Variants in ZFAND3 observed in about 807,000 individuals in gnomAD.
The protein encoded by ZFAND3 is zinc finger AN1-type containing 3.
Under a neutral mutation model 29.6 loss-of-function variants are expected in ZFAND3, and 10 were observed. The ratio of observed to expected loss-of-function variants is 0.34; its 90% CI spans 0.21 to 0.57. The LOEUF (loss-of-function observed/expected upper bound fraction) is 0.57. Ranked by LOEUF, ZFAND3 falls within the 20% of genes least tolerant of loss-of-function variation. ZFAND3 has a pLI of 0.86. For missense variants in ZFAND3, 230 were observed against 304.5 expected (o/e 0.76, Z 1.82); for synonymous variants, 128 against 112.6 (o/e 1.14, Z -0.87).
intron 2 of ZFAND3, among the ~76,000 whole-genome samples, chr6:38,018,184 C>G (rs1763284613): frequency 6.6e-6 from 1 of 152,162 alleles, no homozygotes; most frequent in Non-Finnish European, 1.5e-5. Flanking sequence ...TTAGCCTCAT[C>G]ATCCATAATC....
At chr6:37,897,859 G>T (rs1299005876) in intron 1 of ZFAND3, among the ~76,000 whole-genome samples, 2 of 152,126 alleles carry the variant, frequency 1.3e-5, no homozygotes, top group Non-Finnish European at 2.9e-5. Context: ...GAAAAGAATA[G>T]CAAAAACACA....
intron 2 of ZFAND3, among the ~76,000 whole-genome samples, chr6:37,931,585 G>C (rs909919762): frequency 6.7e-6 from 1 of 150,196 alleles, no homozygotes; most frequent in Admixed American, 6.6e-5. Flanking sequence ...ACAAAAAAAA[G>C]AAATGTTAGT....
intron 1 of ZFAND3, among the ~76,000 whole-genome samples, chr6:37,921,898 A>AAG (rs59006032): frequency 6.7e-6 from 1 of 149,700 alleles, no homozygotes; most frequent in Non-Finnish European, 1.5e-5. Context: ...AAAAAAAAAA[A>AAG]CAAACCCACA....
chr6:37,937,491 C>A (rs1189714118), intron 2 of ZFAND3, among the ~76,000 whole-genome samples: 1 of 151,800 alleles, frequency 6.6e-6, no homozygotes, highest in African/African-American at 2.4e-5. Context: ...CCCGTCTCTA[C>A]TAAAAATACA....
chr6:37,951,534 G>T (rs1198166547), intron 2 of ZFAND3, among the ~76,000 whole-genome samples: 1 of 152,192 alleles, frequency 6.6e-6, no homozygotes, highest in African/African-American at 2.4e-5. Context: ...GGCTGAGGTT[G>T]CAGTGAGCCG....
At chr6:38,128,009 C>A (rs1165645196) in intron 5 of ZFAND3, among the ~76,000 whole-genome samples, 1 of 152,228 alleles carries the variant, frequency 6.6e-6, no homozygotes, top group East Asian at 1.9e-4. Context: ...ACTCTCTTAA[C>A]TTCTTCTTGT....
At chr6:38,063,695 A>G (rs532641827) in intron 3 of ZFAND3, among the ~76,000 whole-genome samples, 1 of 152,320 alleles carries the variant, frequency 6.6e-6, no homozygotes, top group East Asian at 1.9e-4. Flanking sequence ...CATTTGTGGA[A>G]GAGAATGAAA....
intron 5 of ZFAND3, among the ~76,000 whole-genome samples, chr6:38,121,855 A>G (rs1765540981): frequency 6.6e-6 from 1 of 152,136 alleles, no homozygotes; most frequent in Admixed American, 6.5e-5. Flanking sequence ...CCTATAAACC[A>G]ATCTGTGGGA....
intron 1 of ZFAND3, among the ~76,000 whole-genome samples, chr6:37,912,633 A>G (rs1765543082): frequency 6.6e-6 from 1 of 152,176 alleles, no homozygotes. Context: ...AAAATCATTG[A>G]TAAGAAGTCA....
At chr6:37,946,441 A>G (rs1273160560) in intron 2 of ZFAND3, among the ~76,000 whole-genome samples, 2 of 152,256 alleles carry the variant, frequency 1.3e-5, no homozygotes, top group Non-Finnish European at 2.9e-5. Context: ...CAAAAGAGCA[A>G]CAACCTTAGA....
intron 2 of ZFAND3, among the ~76,000 whole-genome samples, chr6:37,955,988 G>A (rs1435968040): frequency 2.0e-5 from 3 of 152,046 alleles, no homozygotes; most frequent in South Asian, 4.1e-4. Flanking sequence ...GTTTAGAGTC[G>A]GGGTGGAGGG....
rs532034541 is a variant in ZFAND3, at chr6:38,059,178, G to A, written c.113-2415G>A. Among the ~76,000 whole-genome samples the A allele has an allele frequency of 3.6e-3, 548 of 152,152 alleles. 2 individuals are homozygous for A. Among genetic ancestry groups the A allele is most frequent in the Non-Finnish European group, 5.6e-3 (378 of 67,996 alleles). On this transcript the variant is annotated intron_variant, in intron 2 of 5. Coordinates refer to ENST00000287218, the MANE Select transcript of ZFAND3 (RefSeq NM_021943.3). ...TAAAAAATTACAGAACAAGATAGAA[G>A]ACCCGTTTTTCTCCTTATCCCTTGG...
At chr6:38,102,767 GT>G (rs915954288) in intron 4 of ZFAND3, among the ~76,000 whole-genome samples, 1 of 151,984 alleles carries the variant, frequency 6.6e-6, no homozygotes, top group African/African-American at 2.4e-5. Context: ...TTTTTTGTTT[GT>G]TTTTTTGAGG....
chr6:37,896,666 T>TTGTG (rs201522673), intron 1 of ZFAND3, among the ~76,000 whole-genome samples: 3 of 138,964 alleles, frequency 2.2e-5, no homozygotes, highest in Admixed American at 7.2e-5. Flanking sequence ...GCCTTCTGTT[T>TTGTG]TGTGTGTGTG....
At chr6:38,142,450 A>C (rs1765982269) in intron 5 of ZFAND3, 1 of 433,124 alleles carries the variant, frequency 2.3e-6, no homozygotes, top group South Asian at 1.6e-5. Context: ...CCATGGGCCC[A>C]GGCTGTGTCT....
chr6:37,841,741 C>A (rs560960131), intron 1 of ZFAND3, among the ~76,000 whole-genome samples: 1 of 152,192 alleles, frequency 6.6e-6, no homozygotes, highest in Non-Finnish European at 1.5e-5. Context: ...CCTCGGCCCC[C>A]CAAAGCGCTG....
At chr6:38,005,031 T>A (rs1008940176) in intron 2 of ZFAND3, among the ~76,000 whole-genome samples, 4 of 152,190 alleles carry the variant, frequency 2.6e-5, no homozygotes, top group African/African-American at 9.7e-5. Context: ...TAGTGAGATG[T>A]TAAACCTGTA....
intron 5 of ZFAND3, chr6:38,142,444 G>A: frequency 2.3e-6 from 1 of 439,556 alleles, no homozygotes; most frequent in Non-Finnish European, 4.7e-6. Context: ...TTACCCCCAT[G>A]GGCCCAGGCT....
At chr6:38,039,456 A>G (rs1763719147) in intron 2 of ZFAND3, among the ~76,000 whole-genome samples, 1 of 152,194 alleles carries the variant, frequency 6.6e-6, no homozygotes, top group South Asian at 2.1e-4. Context: ...AAGGATTTAT[A>G]ATTTTCCCCA....
Sources: allele counts gnomAD v4.1 joint callset (sites outside exome capture counted in the v4.1 genomes callset), GRCh38; gene constraint gnomAD v4.1.1; transcripts MANE v1.5; gene names NCBI Gene and HGNC (gene_info 2026-07-23, HGNC 2026-07-21).